The following GRIN1 variants were observed in gnomAD, a reference collection of about 807,000 sequenced individuals.
GRIN1 encodes glutamate receptor ionotropic, NMDA 1.
GRIN1 carries 38 observed loss-of-function variants against 103.0 expected under a neutral mutation model. That is an observed-to-expected ratio of 0.37 (90% CI 0.28 to 0.48). The LOEUF (loss-of-function observed/expected upper bound fraction) is 0.48, where lower values mean the gene tolerates loss of function less well. Ranked by LOEUF, GRIN1 falls within the 20% of genes least tolerant of loss-of-function variation. The pLI is 0.98. For missense variants in GRIN1, 577 were observed against 1,288.9 expected (o/e 0.45, Z 8.46); for synonymous variants, 544 against 532.7 (o/e 1.02, Z -0.29).
chr9:137,164,195 A>C, intron 18 of GRIN1: 1 of 482,794 alleles, frequency 2.1e-6, no homozygotes, highest in African/African-American at 2.0e-5. Flanking sequence ...TACCCATTCC[A>C]TAGGAAGGCA....
At chr9:137,154,166 C>T (rs1345180683) in intron 4 of GRIN1, among the ~76,000 whole-genome samples, 3 of 150,702 alleles carry the variant, frequency 2.0e-5, no homozygotes, top group Non-Finnish European at 4.4e-5. Context: ...GCTCTGTCAC[C>T]CAGGCTGGAG....
In GRIN1 at chr9:137,167,888, C is replaced by CATCAGTGTCCT; in HGVS notation, c.*361_*362insATCAGTGTCCT. 1 of 1,533,944 alleles carries CATCAGTGTCCT rather than the reference C, an allele frequency of 6.5e-7. No individual in the cohort carries two copies. Among genetic ancestry groups the CATCAGTGTCCT allele is most frequent in the Non-Finnish European group, 9.0e-7 (1 of 1,112,078 alleles). The stretch of plus-strand genomic sequence containing the variant: ...TGCCCAGTTAGCCCGGCCAAGGACA[C>CATCAGTGTCCT]TGATGGGTCCTGCTGCTCGGGAAGG... On this transcript the variant is annotated 3_prime_UTR_variant, in exon 20 of 20. Transcript: ENST00000371561.
chr9:137,167,311 C>G, intron 19 of GRIN1, 100 bp from the exon 20 acceptor site: 1 of 919,900 alleles, frequency 1.1e-6, no homozygotes, highest in Non-Finnish European at 1.7e-6. Flanking sequence ...TGCCCCTGTC[C>G]TGTGGCCGGT....
intron 8 of GRIN1, 25 bp from the exon 9 acceptor site, chr9:137,161,031 G>A: frequency 6.2e-7 from 1 of 1,612,298 alleles, no homozygotes. Context: ...CGGTGGTCCA[G>A]GCTGGGTCTC....
rs1015162787 is a variant in GRIN1 at position 137,165,016 on chromosome 9, G to T, written c.2590-170G>T. On this transcript the variant is annotated intron_variant, in intron 18 of 19. Transcript: ENST00000371561. ...AGGCCCGAGACCCCGGGCAGGAGAA[G>T]AGGCCACCCTCGAACGTCCGCTGTC... 10 of 662,070 alleles carry T rather than the reference G, an allele frequency of 1.5e-5. No individual in the cohort carries two copies. In the Admixed American group the frequency reaches 2.2e-4, roughly 14 times the overall value. The allele number at this position is 662,070 out of a possible 1,614,324, so 41.0% of individuals were successfully genotyped here.
intron 2 of GRIN1, among the ~76,000 whole-genome samples, chr9:137,144,345 C>A (rs1000398444): frequency 6.8e-6 from 1 of 146,756 alleles, no homozygotes; most frequent in Non-Finnish European, 1.5e-5. Flanking sequence ...AAGGAGGGGT[C>A]CCAGTGTCTA....
intron 10 of GRIN1, among the ~76,000 whole-genome samples, chr9:137,161,618 T>G (rs10870200): frequency 9.5e-6 from 1 of 105,384 alleles, no homozygotes; most frequent in African/African-American, 4.0e-5. Flanking sequence ...GGGTGGGGCC[T>G]GACATGGGAG....
chr9:137,142,683 G>A (rs765135821), intron 2 of GRIN1, among the ~76,000 whole-genome samples: 12 of 152,232 alleles, frequency 7.9e-5, no homozygotes, highest in African/African-American at 2.7e-4. Context: ...GGACTTTGAA[G>A]GGGAGTTTGG....
Position 137,139,640 on chromosome 9 carries a change from C to A in GRIN1, c.154C>A (p.Arg52=), listed in dbSNP as rs950054021. The A allele has an allele frequency of 4.3e-6, 7 of 1,613,788 alleles. No individual in the cohort carries two copies. Among genetic ancestry groups the A allele is most frequent in the African/African-American group, 1.3e-5 (1 of 75,062 alleles). The change falls in exon 1 of 20, where the codon CGG becomes AGG. Residue 52 remains arginine, a synonymous_variant. Transcript: ENST00000371561. The surrounding 1 kb of genome is among the most constrained non-coding windows in gnomAD (Gnocchi z 7.7). Reference sequence around the variant, plus strand: ...CGAGGCCGTGAACCAGGCCAACAAGCGGCACGGCTCCTGGAAGATTCAGCT... The same window carrying A: ...CGAGGCCGTGAACCAGGCCAACAAGAGGCACGGCTCCTGGAAGATTCAGCT... The part of the protein sequence containing the change: ...FREAVNQANK[R]HGSWKIQLNA...
At chr9:137,143,430 C>G (rs1832283232) in intron 2 of GRIN1, among the ~76,000 whole-genome samples, 1 of 152,278 alleles carries the variant, frequency 6.6e-6, no homozygotes, top group African/African-American at 2.4e-5. Context: ...CCTGTGCCCT[C>G]AGGCACGACC....
intron 2 of GRIN1, among the ~76,000 whole-genome samples, chr9:137,143,927 G>A (rs949251412): frequency 4.6e-5 from 7 of 152,202 alleles, no homozygotes; most frequent in South Asian, 2.1e-4. Flanking sequence ...GCCATGCCAC[G>A]GCACTCCGTG....
chr9:137,163,438 C>T (rs1833674235), intron 16 of GRIN1, 108 bp downstream of exon 16: 3 of 1,461,978 alleles, frequency 2.1e-6, no homozygotes, highest in Admixed American at 1.7e-5. Flanking sequence ...CCACCCAGGC[C>T]GGGCGCTGCC....
At chr9:137,148,058 A>G in intron 3 of GRIN1, 1 of 773,278 alleles carries the variant, frequency 1.3e-6, no homozygotes, top group Non-Finnish European at 2.1e-6. Flanking sequence ...AGACGTGCCG[A>G]GGAGGTGGTG....
intron 19 of GRIN1, among the ~76,000 whole-genome samples, chr9:137,165,754 C>T (rs1425295332): frequency 1.3e-5 from 2 of 152,208 alleles, no homozygotes; most frequent in Non-Finnish European, 1.5e-5. Flanking sequence ...TTCGCCCCTG[C>T]GACGGCCCTG....
At chr9:137,163,440 G>A in intron 16 of GRIN1, 110 bp downstream of exon 16, 1 of 1,461,450 alleles carries the variant, frequency 6.8e-7, no homozygotes, top group Non-Finnish European at 9.5e-7. Flanking sequence ...ACCCAGGCCG[G>A]GCGCTGCCCA....
At position 137,149,032 on chromosome 9, in the gene GRIN1, C is replaced by T. The variant is rs747843951; in HGVS notation, c.594C>T (p.Asp198=). The change falls in exon 4 of 20, where the codon GAC becomes GAT. Residue 198 remains aspartate, a synonymous_variant. Coordinates refer to ENST00000371561, the MANE Select transcript of GRIN1 (RefSeq NM_007327.4). The part of the protein sequence containing the change: ...ESKAEKVLQF[D]PGTKNVTALL... ...AGGCAGAGAAGGTGCTGCAGTTTGA[C>T]CCAGGGACCAAGAACGTGACGGCCC... 6.2e-7 allele frequency: 1 copy of T among 1,613,190 alleles called. No individual in the cohort carries two copies. Among genetic ancestry groups the T allele is most frequent in the African/African-American group, 1.3e-5 (1 of 74,910 alleles).
chr9:137,165,209 G>C lies in GRIN1; in HGVS notation c.2613G>C (p.Glu871Asp). ...AGGATAGAAAGAGTGGTAGAGCAGA[G>C]CCTGACCCTAAAAAGAAAGCCACAT... ...NLQDRKSGRA[E>D]PDPKKKATFR... Residue 871 changes from glutamate to aspartate, a missense_variant, in exon 19 of 20, where the codon GAG becomes GAC. Coordinates refer to ENST00000371561, the MANE Select transcript of GRIN1 (RefSeq NM_007327.4). The C allele has an allele frequency of 6.2e-7, 1 of 1,611,186 alleles. No homozygotes were observed. Among genetic ancestry groups the C allele is most frequent in the Non-Finnish European group, 8.5e-7 (1 of 1,178,266 alleles).
chr9:137,158,752 A>G, intron 8 of GRIN1, 48 bp downstream of exon 8: 1 of 1,353,388 alleles, frequency 7.4e-7, no homozygotes, highest in South Asian at 1.2e-5. Flanking sequence ...CAGACAGCCC[A>G]TCCACCCCCT....
chr9:137,160,099 G>C (rs1038034110), intron 8 of GRIN1, among the ~76,000 whole-genome samples: 4 of 152,264 alleles, frequency 2.6e-5, no homozygotes, highest in African/African-American at 9.6e-5. Flanking sequence ...ACAGACAGGA[G>C]GGCGAGCCCA....
Sources: gnomAD v4.1 joint callset for allele counts (sites outside exome capture counted in the v4.1 genomes callset) on GRCh38, gnomAD v4.1.1 for gene constraint, Gnocchi (gnomAD v3.1) non-coding constraint, MANE v1.5 for transcripts, NCBI Gene and HGNC (gene_info 2026-07-23, HGNC 2026-07-21) for gene names.